Variants in SLC2A13 observed in about 807,000 individuals in gnomAD.
The protein encoded by SLC2A13 is solute carrier family 2 member 13.
Under a neutral mutation model 64.4 loss-of-function variants are expected in SLC2A13, and 32 were observed. That is an observed-to-expected ratio of 0.50 (90% CI 0.37 to 0.67). The LOEUF is 0.67. SLC2A13 is among the 30% of genes least tolerant of loss of function. The pLI is 0.00. For missense variants in SLC2A13, 743 were observed against 829.2 expected (o/e 0.90, Z 1.28); for synonymous variants, 338 against 327.1 (o/e 1.03, Z -0.36).
At chr12:39,764,399 T>C (rs1013887528) in intron 9 of SLC2A13, 61 bp downstream of exon 9, 1 of 1,349,804 alleles carries the variant, frequency 7.4e-7, no homozygotes, top group African/African-American at 1.5e-5. Flanking sequence ...GATATTATAG[T>C]GTATCTAAAA....
chr12:39,975,906 G>C (rs1289941109), intron 3 of SLC2A13, among the ~76,000 whole-genome samples: 2 of 152,184 alleles, frequency 1.3e-5, no homozygotes, highest in Admixed American at 1.3e-4. Context: ...TCTTAAAGTT[G>C]AAGATTCTAA....
intron 4 of SLC2A13, among the ~76,000 whole-genome samples, chr12:39,913,893 AT>A (rs1483880301): frequency 6.6e-6 from 1 of 152,084 alleles, no homozygotes; most frequent in Non-Finnish European, 1.5e-5. Flanking sequence ...TAAAAACTTT[AT>A]CCAATAAATC....
intron 6 of SLC2A13, chr12:39,830,496 TC>T (rs2135849137): frequency 8.6e-7 from 1 of 1,158,904 alleles, no homozygotes; most frequent in East Asian, 4.6e-5. Flanking sequence ...TGTAGAAGAG[TC>T]CCCATCAATC....
At chr12:40,088,580 G>T (rs561244720) in intron 1 of SLC2A13, among the ~76,000 whole-genome samples, 2 of 152,278 alleles carry the variant, frequency 1.3e-5, no homozygotes, top group East Asian at 3.9e-4. Flanking sequence ...AAAGCTAGGG[G>T]TCTTGTCTTG....
chr12:40,072,639 C>T (rs973603786), intron 1 of SLC2A13, among the ~76,000 whole-genome samples: 1 of 152,078 alleles, frequency 6.6e-6, no homozygotes, highest in Admixed American at 6.6e-5. Context: ...GTCTTTATCC[C>T]TGATAACTTT....
intron 4 of SLC2A13, among the ~76,000 whole-genome samples, chr12:39,910,391 GT>G (rs143928408): frequency 3.3e-5 from 5 of 151,888 alleles, no homozygotes; most frequent in African/African-American, 1.2e-4. Context: ...AAAAGTCAAG[GT>G]TTTTTTTGAG....
intron 1 of SLC2A13, among the ~76,000 whole-genome samples, chr12:40,087,180 G>A (rs529145624): frequency 6.6e-6 from 1 of 152,248 alleles, no homozygotes; most frequent in African/African-American, 2.4e-5. Context: ...AGTCTTAAAA[G>A]CAAGTAATTT....
intron 4 of SLC2A13, among the ~76,000 whole-genome samples, chr12:39,894,632 C>G (rs1053329122): frequency 7.9e-5 from 12 of 152,178 alleles, no homozygotes; most frequent in African/African-American, 2.9e-4. Context: ...TAAAATTAAA[C>G]TGATCTATTT....
chr12:39,879,487 T>C (rs957530058), intron 4 of SLC2A13, among the ~76,000 whole-genome samples: 3 of 152,228 alleles, frequency 2.0e-5, no homozygotes, highest in Admixed American at 6.5e-5. Flanking sequence ...CTTGCATCAG[T>C]GTTCCCTGGA....
chr12:39,966,919 T>C (rs745626157), intron 3 of SLC2A13, among the ~76,000 whole-genome samples: 1 of 152,162 alleles, frequency 6.6e-6, no homozygotes, highest in Non-Finnish European at 1.5e-5. Flanking sequence ...TTCTACTTGA[T>C]ATGGCTTGAG....
At chr12:39,778,632 A>T (rs773425111) in intron 7 of SLC2A13, among the ~76,000 whole-genome samples, 12 of 152,226 alleles carry the variant, frequency 7.9e-5, no homozygotes, top group Non-Finnish European at 1.2e-4. Flanking sequence ...ACATTAAATT[A>T]TTAAATCAGT....
intron 4 of SLC2A13, among the ~76,000 whole-genome samples, chr12:39,896,651 A>G (rs1324819247): frequency 6.6e-6 from 1 of 151,756 alleles, no homozygotes; most frequent in Non-Finnish European, 1.5e-5. Context: ...GAAGAAAACA[A>G]CACTGCTCAA....
intron 1 of SLC2A13, among the ~76,000 whole-genome samples, chr12:40,076,662 T>C (rs548789526): frequency 3.3e-4 from 50 of 152,264 alleles, no homozygotes; most frequent in African/African-American, 1.2e-3. Context: ...TCTTTGGGTA[T>C]ATACCCAGTA....
intron 7 of SLC2A13, among the ~76,000 whole-genome samples, chr12:39,816,608 GGTAA>G (rs1942349166): frequency 6.6e-6 from 1 of 151,392 alleles, no homozygotes; most frequent in African/African-American, 2.4e-5. Context: ...AAAAATCAAG[GGTAA>G]GTAATACAAG....
intron 1 of SLC2A13, among the ~76,000 whole-genome samples, chr12:40,097,033 T>C (rs1007588140): frequency 2.0e-5 from 3 of 152,174 alleles, no homozygotes; most frequent in African/African-American, 4.8e-5. Flanking sequence ...CTAATTTCCC[T>C]AATTTCTCTA....
intron 3 of SLC2A13, among the ~76,000 whole-genome samples, chr12:39,984,875 T>A (rs1344340008): frequency 6.6e-6 from 1 of 152,150 alleles, no homozygotes; most frequent in Non-Finnish European, 1.5e-5. Flanking sequence ...TGGTAGAGAT[T>A]TGCTGTCATA....
intron 1 of SLC2A13, among the ~76,000 whole-genome samples, chr12:40,071,120 T>C (rs17458299): frequency 0.12 from 18,920 of 152,186 alleles, 1,554 homozygotes; most frequent in Middle Eastern, 0.18. Flanking sequence ...AGGCCAGAAA[T>C]GCTGCTAAGC....
chr12:39,924,420 A>G (rs546282314), intron 4 of SLC2A13, among the ~76,000 whole-genome samples: 1 of 151,994 alleles, frequency 6.6e-6, no homozygotes, highest in Non-Finnish European at 1.5e-5. Context: ...AATTATTAGG[A>G]TCATTGTATC....
At chr12:39,954,722 G>A (rs1472848080) in intron 3 of SLC2A13, among the ~76,000 whole-genome samples, 1 of 151,832 alleles carries the variant, frequency 6.6e-6, no homozygotes. Flanking sequence ...TTTATAATGT[G>A]GACATAAAAT....
Sources: allele counts gnomAD v4.1 joint callset (sites outside exome capture counted in the v4.1 genomes callset), GRCh38; gene constraint gnomAD v4.1.1; transcripts MANE v1.5; gene names NCBI Gene and HGNC (gene_info 2026-07-23, HGNC 2026-07-21).